The following KCP variants were observed in gnomAD, a reference collection of about 807,000 sequenced individuals.
KCP encodes the protein kielin cysteine rich BMP regulator, also known as kielin/chordin-like protein.
In KCP, 194 loss-of-function variants were observed where a neutral mutation model predicts 212.7. That is an observed-to-expected ratio of 0.91 (90% CI 0.81 to 1.03). KCP has a LOEUF of 1.03. KCP is among the 50% of genes least tolerant of loss of function. The pLI, the probability that KCP is intolerant of heterozygous loss-of-function variation, is 0.00. For synonymous variants in KCP, 833 were observed against 865.3 expected (o/e 0.96, Z 0.65); for missense variants, 2,080 against 2,162.5 (o/e 0.96, Z 0.76).
chr7:128,883,027 C>T (rs1005137041), intron 29 of KCP, among the ~76,000 whole-genome samples: 3 of 151,742 alleles, frequency 2.0e-5, no homozygotes, highest in African/African-American at 4.9e-5. Flanking sequence ...ATTGTGCCAC[C>T]GCACTCCAGC....
intron 29 of KCP, among the ~76,000 whole-genome samples, chr7:128,883,039 T>A (rs914577457): frequency 6.6e-6 from 1 of 151,446 alleles, no homozygotes; most frequent in Non-Finnish European, 1.5e-5. Flanking sequence ...CACTCCAGCC[T>A]GTGCGACAAA....
At chr7:128,889,430 T>C (rs1170717532) in intron 21 of KCP, among the ~76,000 whole-genome samples, 1 of 152,104 alleles carries the variant, frequency 6.6e-6, no homozygotes, top group African/African-American at 2.4e-5. Flanking sequence ...CCCACGCTCT[T>C]CCGAGCCCAC....
chr7:128,892,720 C>A lies in KCP; in HGVS notation c.1495G>T (p.Ala499Ser). ...VYANGQNFTD[A>S]DSPCHACHCQ... ...TGGCAGGCATGGCAAGGGCTGTCTGCATCCGTGAAGTTCTGCCCATTGGCA... is the reference window on the plus strand; with the variant it reads ...TGGCAGGCATGGCAAGGGCTGTCTGAATCCGTGAAGTTCTGCCCATTGGCA... The change falls in exon 15 of 40, where the codon GCA becomes TCA. Residue 499 changes from alanine to serine, a missense_variant. By Grantham distance (99) the Ala-to-Ser change is moderately conservative. Coordinates refer to ENST00000610776, the MANE Select transcript of KCP (RefSeq NM_001366122.1). The A allele has an allele frequency of 1.3e-6, 2 of 1,551,678 alleles. No homozygotes were observed. Among genetic ancestry groups the A allele is most frequent in the Admixed American group, 2.0e-5 (1 of 51,002 alleles).
chr7:128,880,660 G>GC lies in KCP; in HGVS notation c.3574dup (p.Ala1192GlyfsTer7), dbSNP rs1793274350. 6 of 746,032 alleles carry GC rather than the reference G, an allele frequency of 8.0e-6. No homozygotes were observed. The highest frequency in any genetic ancestry group is 7.5e-5 in the Admixed American group (2 of 26,782). 46.2% of individuals were successfully genotyped at this position (746,032 alleles called of 1,614,324 possible). On this transcript the variant is annotated frameshift_variant, in exon 33 of 40. Transcript: ENST00000610776. LOFTEE classifies it high-confidence loss of function. ...GCAGCTGTCAGCCTGGGGCACCTTC[G>GC]CCCAGCCATGGGGGCAGGAGAGGGC... is the stretch of plus-strand genomic sequence containing the variant.
intron 22 of KCP, 60 bp downstream of exon 22, chr7:128,888,803 G>T: frequency 6.8e-7 from 1 of 1,469,902 alleles, no homozygotes; most frequent in Non-Finnish European, 9.2e-7. Context: ...AAGTGGAATC[G>T]GTGAGAAAGG....
Position 128,888,819 on chromosome 7 carries a change from C to G in KCP, c.2512+44G>C, listed in dbSNP as rs192106399. On this transcript the variant is annotated intron_variant, in intron 22 of 39. Transcript: ENST00000610776. ...AGTGGAATCGGTGAGAAAGGCACCC[C>G]GGGAGCCCCAGCAGGGGGAATGGAA... 6.3e-4 allele frequency: 963 copies of G among 1,527,958 alleles called. 9 individuals carry two copies. The East Asian group carries it at 0.022, about 35-fold the overall frequency. The allele number at this position is 1,527,958 out of a possible 1,614,324, so 94.7% of individuals were successfully genotyped here.
intron 27 of KCP, 63 bp downstream of exon 27, chr7:128,885,034 C>T: frequency 6.5e-7 from 1 of 1,545,450 alleles, no homozygotes. Flanking sequence ...CCAGCAGCGG[C>T]AGGGAGGTGT....
Position 128,891,745 on chromosome 7 carries a change from G to A in KCP, c.1696C>T (p.Arg566Ter), listed in dbSNP as rs534681303. 10 of 1,448,154 alleles carry A rather than the reference G, an allele frequency of 6.9e-6. No individual in the cohort carries two copies. Among genetic ancestry groups the A allele is most frequent in the African/African-American group, 4.3e-5 (3 of 69,482 alleles). The allele number at this position is 1,448,154 out of a possible 1,614,324, so 89.7% of individuals were successfully genotyped here. A position where few individuals can be genotyped will look rare whatever the true frequency, so the allele number is the denominator to read the frequency against. Residue 566 changes from arginine to a stop codon, truncating the protein, a stop_gained, in exon 17 of 40, where the codon CGA becomes TGA. Coordinates refer to ENST00000610776, the MANE Select transcript of KCP (RefSeq NM_001366122.1). LOFTEE classifies it high-confidence loss of function. Reference sequence around the variant, plus strand: ...CAGTGGGCATGGCCTTCCTGGCATCGGCACTCCTGGCAGGGGTCTCGGGGG... The same window carrying A: ...CAGTGGGCATGGCCTTCCTGGCATCAGCACTCCTGGCAGGGGTCTCGGGGG... ...SHPRDPCQECRCQEGHAHCQP... is the reference protein window; with the variant it reads ...SHPRDPCQEC
Position 128,877,315 on chromosome 7 carries a change from C to CA in KCP, c.4619-5dup. On this transcript the variant is annotated splice_polypyrimidine_tract_variant and splice_region_variant and intron_variant, in intron 39 of 39. Coordinates refer to ENST00000610776, the MANE Select transcript of KCP (RefSeq NM_001366122.1). Reference sequence around the variant, plus strand: ...CGCTCCAGGGGGCAGCCTACCACTGCAGGGGGAGTGGGAGGCGGGGTTACC... The same window carrying CA: ...CGCTCCAGGGGGCAGCCTACCACTGCAAGGGGGAGTGGGAGGCGGGGTTACC... The CA allele has an allele frequency of 6.5e-7, 1 of 1,526,766 alleles. No individual in the cohort carries two copies. Among genetic ancestry groups the CA allele is most frequent in the Non-Finnish European group, 8.8e-7 (1 of 1,139,230 alleles). 94.6% of individuals were successfully genotyped at this position (1,526,766 alleles called of 1,614,324 possible). A position where few individuals can be genotyped will look rare whatever the true frequency, so the allele number is the denominator to read the frequency against.
rs1456299375 is a variant in KCP, at chr7:128,881,656, G to T, written c.3394C>A (p.Pro1132Thr). 7 of 1,512,702 alleles carry T rather than the reference G, an allele frequency of 4.6e-6. No homozygotes were observed. The highest frequency in any genetic ancestry group is 2.8e-5 in the African/African-American group (2 of 70,380). 93.7% of individuals were successfully genotyped at this position (1,512,702 alleles called of 1,614,324 possible). Residue 1132 changes from proline to threonine, a missense_variant, in exon 31 of 40, where the codon CCC becomes ACC. By Grantham distance (38) the Pro-to-Thr change is conservative (BLOSUM62 -1). Transcript: ENST00000610776. ...LSCPLSERHT[P>T]PGSCCPVCRE... ...CATACGGGGCAGCAGCTCCCAGGGG[G>T]AGTGTGGCGCTCTGAGAGGGGACAG...
Position 128,886,451 on chromosome 7 carries a change from C to G in KCP, c.2866+13G>C, listed in dbSNP as rs1257249374. The G allele has an allele frequency of 6.5e-7, 1 of 1,540,432 alleles. No individual in the cohort carries two copies. Among genetic ancestry groups the G allele is most frequent in the Admixed American group, 2.0e-5 (1 of 50,374 alleles). On this transcript the variant is annotated intron_variant, in intron 26 of 39. Coordinates refer to ENST00000610776, the MANE Select transcript of KCP (RefSeq NM_001366122.1). Reference sequence around the variant, plus strand: ...GGGGCTGAAGCAAGGGGTAGGGCTACAGGCGGCCATACCTCTGCAGCGAGG... The same window carrying G: ...GGGGCTGAAGCAAGGGGTAGGGCTAGAGGCGGCCATACCTCTGCAGCGAGG...
chr7:128,890,221 C>T (rs748327043), intron 21 of KCP, 122 bp downstream of exon 21: 14 of 1,529,218 alleles, frequency 9.2e-6, no homozygotes, highest in Middle Eastern at 1.7e-4. Flanking sequence ...CTCCCAGCCT[C>T]GGGGCTTTTT....
rs1203444340 is a variant in KCP at position 128,884,038 on chromosome 7, G to C, written c.3208C>G (p.Pro1070Ala). ...GGACAGCAGTGCTGGGGCCCAGGGG[G>C]CAGGAGCTGGCTGGGGGGGCAGCCC... ...LVGCPPSQLLPPGPQHCCPTC... is the reference protein window; with the variant it reads ...LVGCPPSQLLAPGPQHCCPTC... The change falls in exon 29 of 40, where the codon CCC becomes GCC. Residue 1070 changes from proline to alanine, a missense_variant. By Grantham distance (27) the Pro-to-Ala change is conservative. Transcript: ENST00000610776. 6 of 1,547,256 alleles carry C rather than the reference G, an allele frequency of 3.9e-6. No homozygotes were observed. The South Asian group carries it at 7.2e-5, about 18-fold the overall frequency.
Position 128,886,688 on chromosome 7 carries a change from T to C in KCP, c.2739A>G (p.Gly913=). ...REHQDGEEFE[G]PAGSCEWCRC... ...GACACCACTCACAGCTGCCTGCTGG[T>C]CCCTCAAACTCCTCCCCATCCTGGT... Residue 913 remains glycine, a synonymous_variant, in exon 25 of 40, where the codon GGA becomes GGG. Transcript: ENST00000610776. 6.4e-7 allele frequency: 1 copy of C among 1,551,588 alleles called. No homozygotes were observed. Among genetic ancestry groups the C allele is most frequent in the Non-Finnish European group, 8.7e-7 (1 of 1,146,936 alleles).
rs139591252 is a variant in KCP at position 128,886,146 on chromosome 7, C to A, written c.2866+318G>T. On this transcript the variant is annotated intron_variant, in intron 26 of 39. Transcript: ENST00000610776. Reference sequence around the variant, plus strand: ...ACAGTGGTGCAAATGCAGCTCACTGCAGCCTCAAACTCCTGGGTTCAAGTG... The same window carrying A: ...ACAGTGGTGCAAATGCAGCTCACTGAAGCCTCAAACTCCTGGGTTCAAGTG... Among the ~76,000 whole-genome samples the A allele has an allele frequency of 1.5e-3, 233 of 152,306 alleles. 1 individual carries two copies. Among genetic ancestry groups the A allele is most frequent in the African/African-American group, 5.5e-3 (228 of 41,548 alleles).
In KCP at chr7:128,893,417, C is replaced by T; in HGVS notation, c.1159G>A (p.Gly387Ser). 6.4e-7 allele frequency: 1 copy of T among 1,551,646 alleles called. No individual in the cohort carries two copies. Among genetic ancestry groups the T allele is most frequent in the East Asian group, 2.4e-5 (1 of 40,924 alleles). Residue 387 changes from glycine (G) to serine (S), a missense_variant, in exon 12 of 40, where the codon GGC becomes AGC. Gly to Ser is a moderately conservative substitution (Grantham distance 56, BLOSUM62 0). Transcript: ENST00000610776. ...TGGCAGGAGCAGCGGACACAGAGGC[C>T]CCGCTCTTGGAGTCTGAAGGTCTCC... ...SQETFRLQER[G>S]LCVRCSCQAG...
At chr7:128,887,734 C>T (rs536718350) in intron 22 of KCP, among the ~76,000 whole-genome samples, 1 of 151,004 alleles carries the variant, frequency 6.6e-6, no homozygotes, top group East Asian at 2.0e-4. Flanking sequence ...CACAGCCACA[C>T]CCACACTCTC....
chr7:128,891,729 T>C lies in KCP; in HGVS notation c.1712A>G (p.His571Arg), dbSNP rs1455793368. The C allele has an allele frequency of 2.8e-6, 4 of 1,443,274 alleles. No individual in the cohort carries two copies. The African/African-American group carries it at 5.8e-5, about 21-fold the overall frequency. The allele number at this position is 1,443,274 out of a possible 1,614,324, so 89.4% of individuals were successfully genotyped here. The change falls in exon 17 of 40, where the codon CAT becomes CGT. Residue 571 changes from histidine to arginine, a missense_variant. By Grantham distance (29) the His-to-Arg change is conservative. Transcript: ENST00000610776. Reference protein sequence around the residue: ...PCQECRCQEGHAHCQPRPCPR... With the variant: ...PCQECRCQEGRAHCQPRPCPR... The stretch of plus-strand genomic sequence containing the variant: ...GCAGGGGCGAGGCTGGCAGTGGGCA[T>C]GGCCTTCCTGGCATCGGCACTCCTG...
At chr7:128,908,239 GGAAGAAAGAAA>G (rs202067497) in intron 2 of KCP, among the ~76,000 whole-genome samples, 176 bp downstream of exon 2, 1,812 of 101,624 alleles carry the variant, frequency 0.018, 53 homozygotes, top group African/African-American at 0.046. Flanking sequence ...AAAGAAGAAA[GGAAGAAAGAAA>G]GAAGAAAGAA....
Sources: allele counts gnomAD v4.1 joint callset (sites outside exome capture counted in the v4.1 genomes callset), GRCh38; gene constraint gnomAD v4.1.1; transcripts MANE v1.5; gene names NCBI Gene and HGNC (gene_info 2026-07-23, HGNC 2026-07-21).